VPS45: variants seen among roughly 807,000 people sequenced by gnomAD.
The protein encoded by VPS45 is vacuolar protein sorting 45 homolog.
VPS45 carries 35 observed loss-of-function variants against 75.9 expected under a neutral mutation model. That is an observed-to-expected ratio of 0.46 (90% CI 0.35 to 0.61). VPS45 has a LOEUF of 0.61. Ranked by LOEUF, VPS45 falls within the 20% of genes least tolerant of loss-of-function variation. VPS45 has a pLI of 0.00. For missense variants in VPS45, 559 were observed against 685.9 expected, an observed-to-expected ratio of 0.81 and a Z score of 2.07; for synonymous variants, 220 against 238.2, an observed-to-expected ratio of 0.92 and a Z score of 0.70.
chr1:150,111,557 A>G (rs1182960551), intron 14 of VPS45, among the ~76,000 whole-genome samples: 2 of 152,174 alleles, frequency 1.3e-5, no homozygotes, highest in East Asian at 3.9e-4. Context: ...TAAAGGTAGA[A>G]GAGGAAAAGA....
intron 14 of VPS45, among the ~76,000 whole-genome samples, chr1:150,129,188 A>G (rs1365302582): frequency 6.6e-6 from 1 of 152,180 alleles, no homozygotes; most frequent in African/African-American, 2.4e-5. Context: ...CATGTTCTGT[A>G]TCTTTAAGGA....
chr1:150,125,333 T>A lies in VPS45; in HGVS notation c.1625+14706T>A, dbSNP rs587707135. Among the ~76,000 whole-genome samples, 490 of 149,264 alleles carry A rather than the reference T, an allele frequency of 3.3e-3. 1 individual carries two copies. Among genetic ancestry groups the A allele is most frequent in the Middle Eastern group, 7.0e-3 (2 of 286 alleles). On this transcript the variant is annotated intron_variant, in intron 14 of 14. Transcript: ENST00000644510. ...TTGGATATGTATTTTTTATTTTTTT[T>A]ACTTTTTTTATTTATTTTTTAATAT...
At chr1:150,138,806 G>T (rs6688715) in intron 14 of VPS45, among the ~76,000 whole-genome samples, 1 of 151,876 alleles carries the variant, frequency 6.6e-6, no homozygotes, top group Non-Finnish European at 1.5e-5. Flanking sequence ...CATACTTAAC[G>T]TGATCAAAAC....
chr1:150,096,495 G>A (rs1553803033), intron 13 of VPS45, among the ~76,000 whole-genome samples: 3 of 152,164 alleles, frequency 2.0e-5, no homozygotes, highest in African/African-American at 7.2e-5. Context: ...GTTGTAGTGG[G>A]TAAAAGAAAA....
At chr1:150,124,018 A>G (rs587665627) in intron 14 of VPS45, among the ~76,000 whole-genome samples, 42 of 152,332 alleles carry the variant, frequency 2.8e-4, no homozygotes, top group Non-Finnish European at 1.8e-4. Context: ...ACTAGATCCA[A>G]CTAAGCCCTC....
intron 3 of VPS45, among the ~76,000 whole-genome samples, chr1:150,072,505 A>G (rs973307489): frequency 1.3e-4 from 20 of 152,216 alleles, no homozygotes; most frequent in African/African-American, 4.3e-4. Flanking sequence ...TAAAAATACA[A>G]GATTAGCTGG....
intron 14 of VPS45, among the ~76,000 whole-genome samples, chr1:150,115,747 T>C (rs11205328): frequency 0.04 from 6,150 of 152,286 alleles, 414 homozygotes; most frequent in African/African-American, 0.14. Context: ...GCATATCTCC[T>C]TGTGCAGATA....
At chr1:150,076,092 G>T in intron 3 of VPS45, 141 bp from the exon 4 acceptor site, 1 of 231,290 alleles carries the variant, frequency 4.3e-6, no homozygotes, top group Non-Finnish European at 7.9e-6. Flanking sequence ...ATAAAATTAT[G>T]AATTTGTGGA....
intron 14 of VPS45, among the ~76,000 whole-genome samples, chr1:150,141,664 A>G (rs1412272585): frequency 6.6e-6 from 1 of 152,110 alleles, no homozygotes; most frequent in Non-Finnish European, 1.5e-5. Flanking sequence ...ACCCTTGATG[A>G]CAGCACAAAC....
chr1:150,126,963 A>T (rs1168214466), intron 14 of VPS45, among the ~76,000 whole-genome samples: 2 of 152,232 alleles, frequency 1.3e-5, no homozygotes, highest in Non-Finnish European at 2.9e-5. Context: ...GCATAATTCA[A>T]TGTTATTTAA....
chr1:150,071,093 A>AT (rs1182935432), intron 2 of VPS45, among the ~76,000 whole-genome samples: 1 of 152,114 alleles, frequency 6.6e-6, no homozygotes, highest in Non-Finnish European at 1.5e-5. Flanking sequence ...CCCTTTCCCC[A>AT]TTAATAAGCA....
In VPS45 at chr1:150,076,793, A is replaced by T. The variant is rs72692896; in HGVS notation, c.370-123A>T. 137,993 of 961,506 alleles carry T rather than the reference A, an allele frequency of 0.14. 11,167 individuals carry two copies. Among genetic ancestry groups the T allele is most frequent in the Non-Finnish European group, 0.17 (106,870 of 630,678 alleles). 59.6% of individuals were successfully genotyped at this position (961,506 alleles called of 1,614,324 possible). On this transcript the variant is annotated intron_variant, in intron 4 of 14. Coordinates refer to ENST00000644510, the MANE Select transcript of VPS45 (RefSeq NM_007259.5). ...TACCCAATTATTAATTGAACAATTTAGTATCTCTTTACACCTGTATTTCAC... is the reference window on the plus strand; with the variant it reads ...TACCCAATTATTAATTGAACAATTTTGTATCTCTTTACACCTGTATTTCAC...
At chr1:150,088,191 T>G (rs1364654708) in intron 10 of VPS45, among the ~76,000 whole-genome samples, 1 of 152,068 alleles carries the variant, frequency 6.6e-6, no homozygotes, top group Admixed American at 6.6e-5. Flanking sequence ...TAACTGTAGC[T>G]TTGTACCTAT....
chr1:150,084,835 C>G (rs941261681), intron 10 of VPS45, among the ~76,000 whole-genome samples: 1 of 151,988 alleles, frequency 6.6e-6, no homozygotes, highest in African/African-American at 2.4e-5. Context: ...CAGACTGTTA[C>G]GATGATTCAA....
intron 14 of VPS45, among the ~76,000 whole-genome samples, chr1:150,122,558 A>G (rs1360636380): frequency 2.0e-5 from 3 of 152,042 alleles, no homozygotes; most frequent in Non-Finnish European, 2.9e-5. Context: ...ACTAGGAGTT[A>G]GAGAGCACTT....
chr1:150,067,965 G>T lies in VPS45; in HGVS notation c.93+15G>T. The T allele has an allele frequency of 3.7e-6, 6 of 1,612,934 alleles. No homozygotes were observed. The highest frequency in any genetic ancestry group is 5.1e-6 in the Non-Finnish European group (6 of 1,178,912). ...ATAAAGAGACGGTGAGTTTGCTTTT[G>T]CTCAGCATTTGTGAAGGAACCCTCT... On this transcript the variant is annotated intron_variant, in intron 1 of 14. Transcript: ENST00000644510.
chr1:150,121,267 T>G (rs949799346), intron 14 of VPS45, among the ~76,000 whole-genome samples: 5 of 152,208 alleles, frequency 3.3e-5, no homozygotes, highest in African/African-American at 1.2e-4. Flanking sequence ...TTACTTCCCT[T>G]TTTCATTTCA....
chr1:150,122,484 G>A (rs1658286778), intron 14 of VPS45, among the ~76,000 whole-genome samples: 1 of 152,068 alleles, frequency 6.6e-6, no homozygotes, highest in Non-Finnish European at 1.5e-5. Flanking sequence ...GAAATGCAGT[G>A]CGAGAGGCAT....
intron 14 of VPS45, chr1:150,142,937 C>A: frequency 2.4e-6 from 1 of 415,648 alleles, no homozygotes; most frequent in Admixed American, 2.7e-5. Context: ...ACAGCGTAAG[C>A]CACTGCACCC....
Sources: gnomAD v4.1 joint callset for allele counts (sites outside exome capture counted in the v4.1 genomes callset) on GRCh38, gnomAD v4.1.1 for gene constraint, MANE v1.5 for transcripts, NCBI Gene and HGNC (gene_info 2026-07-23, HGNC 2026-07-21) for gene names.